The following SLIT1 variants were observed in gnomAD, a reference collection of about 807,000 sequenced individuals.
The protein encoded by SLIT1 is slit guidance ligand 1, also known as slit homolog 1 protein.
In SLIT1, 66 loss-of-function variants were observed where a neutral mutation model predicts 186.1. The observed-to-expected ratio is 0.35, with a 90% confidence interval of 0.29 to 0.44. SLIT1 has a LOEUF of 0.44. Among genes scored for constraint, SLIT1 ranks in the 20% least tolerant of loss-of-function variants. The probability of loss-of-function intolerance (pLI) is 1.00; values close to 1 mark genes in which losing one functional copy is unlikely to be tolerated. For missense variants in SLIT1, 1,638 were observed against 2,037.4 expected (o/e 0.80, Z 3.77); for synonymous variants, 761 against 833.8 (o/e 0.91, Z 1.50).
chr10:97,164,957 C>A lies in SLIT1; in HGVS notation c.198-67G>T, dbSNP rs1225908892. On this transcript the variant is annotated intron_variant, in intron 1 of 36. Coordinates refer to ENST00000266058, the MANE Select transcript of SLIT1 (RefSeq NM_003061.3). ...GTAAGCCCCCAGGCCAGGGGCCCTG[C>A]TCCAGGTGCCCTCCCCGCCTGGATC... 3 of 1,221,270 alleles carry A rather than the reference C, an allele frequency of 2.5e-6. No homozygotes were observed. In the South Asian group the frequency reaches 3.6e-5, roughly 15 times the overall value. 75.7% of individuals were successfully genotyped at this position (1,221,270 alleles called of 1,614,324 possible). A position where few individuals can be genotyped will look rare whatever the true frequency, so the allele number is the denominator to read the frequency against.
At chr10:97,067,045 G>T (rs1248691073) in intron 4 of SLIT1, among the ~76,000 whole-genome samples, 2 of 152,192 alleles carry the variant, frequency 1.3e-5, no homozygotes, top group Non-Finnish European at 2.9e-5. Context: ...GACCCAGTTG[G>T]CCAGTAGCCC....
intron 30 of SLIT1, among the ~76,000 whole-genome samples, chr10:97,012,870 C>T (rs1848423755): frequency 6.6e-6 from 1 of 152,214 alleles, no homozygotes; most frequent in African/African-American, 2.4e-5. Flanking sequence ...CTGCCCTGAC[C>T]ACCCCTTGCT....
At chr10:97,071,479 T>C (rs1342003894) in intron 4 of SLIT1, among the ~76,000 whole-genome samples, 2 of 152,240 alleles carry the variant, frequency 1.3e-5, no homozygotes, top group Admixed American at 6.5e-5. Context: ...AGGAAGGTTT[T>C]TTTATTCGTA....
chr10:97,100,942 G>A (rs1414224197), intron 4 of SLIT1, among the ~76,000 whole-genome samples: 1 of 152,190 alleles, frequency 6.6e-6, no homozygotes, highest in Non-Finnish European at 1.5e-5. Flanking sequence ...ACGCAGGCCG[G>A]TTTGGGCCCC....
chr10:97,159,105 A>G (rs1849993128), intron 3 of SLIT1, among the ~76,000 whole-genome samples: 1 of 152,222 alleles, frequency 6.6e-6, no homozygotes. Context: ...CAAATCCCCC[A>G]TGGATACCAA....
In SLIT1 at chr10:96,998,320, T is replaced by TAA. The variant is rs1462883698; in HGVS notation, c.*2790_*2791dup. On this transcript the variant is annotated 3_prime_UTR_variant, in exon 37 of 37. Transcript: ENST00000266058. ...TATTAGAATCTGTAAGTATTCTGTA[T>TAA]AAAGAGATACTTTTGCGGTTAGGCT... 6.6e-6 allele frequency: 1 copy of TAA among 152,204 alleles called. No individual in the cohort carries two copies. Among genetic ancestry groups the TAA allele is most frequent in the African/African-American group, 2.4e-5 (1 of 41,460 alleles). 9.4% of individuals were successfully genotyped at this position (152,204 alleles called of 1,614,324 possible). A position where few individuals can be genotyped will look rare whatever the true frequency, so the allele number is the denominator to read the frequency against.
At chr10:97,080,632 C>T (rs1489096716) in intron 4 of SLIT1, among the ~76,000 whole-genome samples, 1 of 152,212 alleles carries the variant, frequency 6.6e-6, no homozygotes, top group African/African-American at 2.4e-5. Flanking sequence ...GGGGCGGGTT[C>T]ACTATAGTTC....
At chr10:97,027,040 G>C (rs1848551968) in intron 25 of SLIT1, among the ~76,000 whole-genome samples, 1 of 152,174 alleles carries the variant, frequency 6.6e-6, no homozygotes. Flanking sequence ...CCTCCACACT[G>C]CGAGTGGACA....
Position 97,056,376 on chromosome 10 carries a change from T to C in SLIT1, c.1246A>G (p.Lys416Glu), listed in dbSNP as rs764352322. Residue 416 changes from lysine to glutamate, a missense_variant, in exon 13 of 37, where the codon AAG becomes GAG. Coordinates refer to ENST00000266058, the MANE Select transcript of SLIT1 (RefSeq NM_003061.3). ...NLSLLSLYDN[K>E]IQSLAKGTFT... is the part of the protein sequence containing the mutation. ...GTGCCCTTGGCGAGGCTCTGGATCT[T>C]GTTGTCATACAGGGAGAGCAGTGAG... 2 of 1,614,136 alleles carry C rather than the reference T, an allele frequency of 1.2e-6. No individual in the cohort carries two copies. The highest frequency in any genetic ancestry group is 1.7e-6 in the Non-Finnish European group (2 of 1,180,018).
At chr10:97,039,917 C>T in intron 21 of SLIT1, 71 bp downstream of exon 21, 1 of 1,562,950 alleles carries the variant, frequency 6.4e-7, no homozygotes, top group Non-Finnish European at 8.7e-7. Context: ...GGCCCCAGCC[C>T]CTCAGGAAAT....
chr10:97,132,095 C>A (rs768008355), intron 4 of SLIT1, among the ~76,000 whole-genome samples: 1 of 152,192 alleles, frequency 6.6e-6, no homozygotes, highest in Non-Finnish European at 1.5e-5. Flanking sequence ...TGGCTGCATG[C>A]CCCAGGCTCA....
At position 97,022,826 on chromosome 10, in the gene SLIT1, G is replaced by A. The variant is rs1346465810; in HGVS notation, c.2583-1413C>T. On this transcript the variant is annotated intron_variant, in intron 25 of 36. Transcript: ENST00000266058. This position sits in a 1 kb window ranked among gnomAD's most constrained non-coding sequence, Gnocchi z 4.2. Reference sequence around the variant, plus strand: ...GTAGCCTTCCAGGCCTTTCCCACACGTACACACGTGGTTCCTCCTTACAAA... The same window carrying A: ...GTAGCCTTCCAGGCCTTTCCCACACATACACACGTGGTTCCTCCTTACAAA... Among the ~76,000 whole-genome samples, 1 of 152,196 alleles carries A rather than the reference G, an allele frequency of 6.6e-6. No individual in the cohort carries two copies. The highest frequency in any genetic ancestry group is 1.5e-5 in the Non-Finnish European group (1 of 68,030).
At chr10:97,135,024 A>AG (rs1849688971) in intron 4 of SLIT1, among the ~76,000 whole-genome samples, 1 of 152,226 alleles carries the variant, frequency 6.6e-6, no homozygotes, top group Non-Finnish European at 1.5e-5. Context: ...TGATACCCCC[A>AG]GAGACCAGAA....
intron 1 of SLIT1, among the ~76,000 whole-genome samples, chr10:97,167,701 T>C (rs755013720): frequency 2.6e-5 from 4 of 152,214 alleles, no homozygotes; most frequent in Non-Finnish European, 5.9e-5. Flanking sequence ...TCTTGAATTG[T>C]AGTTCCCATA....
chr10:97,027,044 G>A (rs1227406107), intron 25 of SLIT1, among the ~76,000 whole-genome samples: 1 of 152,206 alleles, frequency 6.6e-6, no homozygotes, highest in African/African-American at 2.4e-5. Flanking sequence ...CACACTGCGA[G>A]TGGACAGGAG....
chr10:97,027,101 CAGCACCT>C (rs1848552596), intron 25 of SLIT1, among the ~76,000 whole-genome samples: 1 of 152,216 alleles, frequency 6.6e-6, no homozygotes, highest in Non-Finnish European at 1.5e-5. Context: ...TCAGTAACAT[CAGCACCT>C]TCAGGAACCA....
At position 97,060,058 on chromosome 10, in the gene SLIT1, C is replaced by T. The variant is rs370554556; in HGVS notation, c.1013+29G>A. The T allele has an allele frequency of 3.2e-6, 5 of 1,581,062 alleles. No individual in the cohort carries two copies. In the African/African-American group the frequency reaches 6.7e-5, roughly 21 times the overall value. ...AGGATCTCCGTCAGCCCTGTACCAGCTCCCCAGGAAGCAGTGGGAGGCACT... is the reference window on the plus strand; with the variant it reads ...AGGATCTCCGTCAGCCCTGTACCAGTTCCCCAGGAAGCAGTGGGAGGCACT... On this transcript the variant is annotated intron_variant, in intron 10 of 36. Transcript: ENST00000266058.
rs1379987425 is a variant in SLIT1, at chr10:97,010,821, A to T, written c.3341+172T>A. On this transcript the variant is annotated intron_variant, in intron 31 of 36. Transcript: ENST00000266058. This position sits in a 1 kb window ranked among gnomAD's most constrained non-coding sequence, Gnocchi z 4.8. Reference sequence around the variant, plus strand: ...TGCCTAGGCCCTGGGCAGTTACATGACTTTCCCAAGGCTGCACAGCTGGTG... The same window carrying T: ...TGCCTAGGCCCTGGGCAGTTACATGTCTTTCCCAAGGCTGCACAGCTGGTG... Among the ~76,000 whole-genome samples the T allele has an allele frequency of 6.6e-6, 1 of 152,126 alleles. No homozygotes were observed. The highest frequency in any genetic ancestry group is 1.9e-4 in the East Asian group (1 of 5,188).
chr10:97,020,222 C>T (rs976665923), intron 26 of SLIT1, among the ~76,000 whole-genome samples: 1 of 152,060 alleles, frequency 6.6e-6, no homozygotes, highest in Non-Finnish European at 1.5e-5. Context: ...ACCCTCCCAC[C>T]TCAACCTCCT....
Sources: allele counts gnomAD v4.1 joint callset (sites outside exome capture counted in the v4.1 genomes callset), GRCh38; gene constraint gnomAD v4.1.1; non-coding constraint Gnocchi (gnomAD v3.1); transcripts MANE v1.5; gene names NCBI Gene and HGNC (gene_info 2026-07-23, HGNC 2026-07-21).